Variants in ABCC3 observed in about 807,000 individuals in gnomAD.
ABCC3 encodes ATP-binding cassette sub-family C member 3.
Under a neutral mutation model 165.3 loss-of-function variants are expected in ABCC3, and 121 were observed. The ratio of observed to expected loss-of-function variants is 0.73; its 90% CI spans 0.63 to 0.85. The LOEUF (loss-of-function observed/expected upper bound fraction) is 0.85. Ranked by LOEUF, ABCC3 falls within the 40% of genes least tolerant of loss-of-function variation. ABCC3 has a pLI of 0.00. For synonymous variants in ABCC3, 733 were observed against 810.1 expected, an observed-to-expected ratio of 0.90 and a Z score of 1.62; for missense variants, 1,869 against 1,964.1, an observed-to-expected ratio of 0.95 and a Z score of 0.92.
chr17:50,676,370 C>T lies in ABCC3; in HGVS notation c.3160C>T (p.Arg1054Cys), dbSNP rs141068276. ...LHQALLHNKI[R>C]SPQSFFDTTP... ...CCAGGCACTGCTGCACAACAAGATA[C>T]GCTCGCCACAGTCCTTCTTTGACAC... is the stretch of plus-strand genomic sequence containing the variant. Residue 1054 changes from arginine to cysteine, a missense_variant, in exon 23 of 31, where the codon CGC becomes TGC. Arg to Cys is a radical substitution (Grantham distance 180). Transcript: ENST00000285238. 57 of 1,614,210 alleles carry T rather than the reference C, an allele frequency of 3.5e-5. No individual in the cohort carries two copies. In the Middle Eastern group the frequency reaches 4.9e-4, roughly 14 times the overall value.
In ABCC3 at chr17:50,645,564, C is replaced by A. The variant is rs75407063; in HGVS notation, c.46-10268C>A. On this transcript the variant is annotated intron_variant, in intron 1 of 30. Coordinates refer to ENST00000285238, the MANE Select transcript of ABCC3 (RefSeq NM_003786.4). The stretch of plus-strand genomic sequence containing the variant: ...TTTAAAGGGATGGTATACTATTATT[C>A]TTTCATTCATTTATTCAATAAACGT... Among the ~76,000 whole-genome samples the A allele has an allele frequency of 5.3e-5, 8 of 151,790 alleles. No homozygotes were observed. The South Asian group carries it at 1.0e-3, about 20-fold the overall frequency.
In ABCC3 at chr17:50,660,956, C is replaced by T; in HGVS notation, c.840C>T (p.Ala280=). The change falls in exon 8 of 31, where the codon GCC becomes GCT. Residue 280 remains alanine (A), a synonymous_variant. Coordinates refer to ENST00000285238, the MANE Select transcript of ABCC3 (RefSeq NM_003786.4). ...HKASAAPGKN[A]SGEDEVLLGA... ...CTTCAGCAGCACCTGGGAAAAATGC[C>T]TCCGGCGAGGACGAGGTGCTGCTGG... 1 of 1,611,736 alleles carries T rather than the reference C, an allele frequency of 6.2e-7. No individual in the cohort carries two copies. The highest frequency in any genetic ancestry group is 8.5e-7 in the Non-Finnish European group (1 of 1,178,942).
Position 50,687,660 on chromosome 17 carries a change from C to A in ABCC3, c.4405C>A (p.Arg1469Ser), listed in dbSNP as rs757031551. 6.2e-7 allele frequency: 1 copy of A among 1,614,246 alleles called. No homozygotes were observed. The highest frequency in any genetic ancestry group is 2.2e-5 in the East Asian group (1 of 44,894). The change falls in exon 30 of 31, where the codon CGC (arginine) becomes AGC (serine). Residue 1469 changes from arginine (R) to serine (S), a missense_variant. Transcript: ENST00000285238. ...ETDNLIQATI[R>S]TQFDTCTVLT... ...TGACAACCTCATCCAGGCTACCATC[C>A]GCACCCAGTTTGATACCTGCACTGT...
intron 7 of ABCC3, among the ~76,000 whole-genome samples, chr17:50,660,583 C>A (rs1226146302): frequency 6.6e-6 from 1 of 152,178 alleles, no homozygotes; most frequent in African/African-American, 2.4e-5. Context: ...GTTCAGCTGC[C>A]CGGTGGCTGT....
chr17:50,657,510 G>A (rs1967278265), intron 4 of ABCC3, among the ~76,000 whole-genome samples: 1 of 152,214 alleles, frequency 6.6e-6, no homozygotes, highest in African/African-American at 2.4e-5. Context: ...GCAGACAAGT[G>A]TGAAGAGTTC....
At chr17:50,650,948 C>A (rs1967102499) in intron 1 of ABCC3, among the ~76,000 whole-genome samples, 1 of 151,074 alleles carries the variant, frequency 6.6e-6, no homozygotes, top group East Asian at 1.9e-4. Flanking sequence ...ACCTGTAATC[C>A]CAGCTACTGG....
intron 30 of ABCC3, chr17:50,688,383 T>C (rs1040031886): frequency 1.6e-4 from 24 of 152,396 alleles, no homozygotes; most frequent in African/African-American, 5.5e-4. Flanking sequence ...AGTGCCTGCA[T>C]GTCCCTCACC....
chr17:50,666,326 C>T (rs1967527185), intron 11 of ABCC3, among the ~76,000 whole-genome samples: 1 of 152,144 alleles, frequency 6.6e-6, no homozygotes, highest in African/African-American at 2.4e-5. Context: ...ACAAAATTAG[C>T]CGGGCATGGT....
At chr17:50,639,185 T>G (rs1286318119) in intron 1 of ABCC3, among the ~76,000 whole-genome samples, 1 of 152,230 alleles carries the variant, frequency 6.6e-6, no homozygotes, top group African/African-American at 2.4e-5. Context: ...CAGTCCTCCC[T>G]GCAAGGCCAG....
intron 8 of ABCC3, among the ~76,000 whole-genome samples, chr17:50,662,654 A>AG: frequency 2.7e-5 from 4 of 150,426 alleles, no homozygotes; most frequent in African/African-American, 7.3e-5. Flanking sequence ...AAAAAAAAAA[A>AG]AAAAGAGAGA....
At chr17:50,690,189 T>A (rs933519267) in intron 30 of ABCC3, among the ~76,000 whole-genome samples, 6 of 151,862 alleles carry the variant, frequency 4.0e-5, no homozygotes, top group Non-Finnish European at 7.4e-5. Context: ...CTGGAGTGCG[T>A]GGGAGGGAGG....
At chr17:50,645,200 TAAAA>T (rs564267933) in intron 1 of ABCC3, among the ~76,000 whole-genome samples, 10 of 118,342 alleles carry the variant, frequency 8.5e-5, no homozygotes, top group Non-Finnish European at 1.4e-4. Context: ...GACTTGGCCT[TAAAA>T]AAAAAAAAAA....
chr17:50,639,271 C>G (rs145017438), intron 1 of ABCC3, among the ~76,000 whole-genome samples: 2 of 152,270 alleles, frequency 1.3e-5, no homozygotes, highest in Admixed American at 6.5e-5. Context: ...CCTCTGAGCT[C>G]TTGGCTTCTG....
At chr17:50,660,861 C>A in intron 7 of ABCC3, 62 bp from the exon 8 acceptor site, 1 of 1,483,432 alleles carries the variant, frequency 6.7e-7, no homozygotes. Flanking sequence ...CCAGCCTAGC[C>A]CTTGGCTTCC....
intron 1 of ABCC3, among the ~76,000 whole-genome samples, chr17:50,651,066 G>GGAAAAA (rs377148373): frequency 1.2e-5 from 1 of 84,284 alleles, no homozygotes; most frequent in African/African-American, 5.0e-5. Flanking sequence ...CTCCATCTCA[G>GGAAAAA]AAAAAAAAAA....
chr17:50,673,134 G>A lies in ABCC3; in HGVS notation c.2405G>A (p.Gly802Asp). Residue 802 changes from glycine to aspartate, a missense_variant, in exon 18 of 31, where the codon GGC becomes GAC. Gly to Asp is a moderately conservative substitution (Grantham distance 94). Coordinates refer to ENST00000285238, the MANE Select transcript of ABCC3 (RefSeq NM_003786.4). ...ATCGGGCCAGAAGGCGTGCTGGCAG[G>A]CAAGGTGAGGCCTGCCAGAGGCTAA... Reference protein sequence around the residue: ...HVIGPEGVLAGKTRVLVTHGI... With the variant: ...HVIGPEGVLADKTRVLVTHGI... 6.2e-7 allele frequency: 1 copy of A among 1,613,778 alleles called. No homozygotes were observed. The highest frequency in any genetic ancestry group is 8.5e-7 in the Non-Finnish European group (1 of 1,180,032).
At chr17:50,643,509 A>G (rs1417225396) in intron 1 of ABCC3, 1 of 456,108 alleles carries the variant, frequency 2.2e-6, no homozygotes, top group Non-Finnish European at 4.4e-6. Flanking sequence ...TGCTTCACAG[A>G]GCAGGGATAG....
chr17:50,658,951 G>C (rs1967317724), intron 6 of ABCC3, among the ~76,000 whole-genome samples: 1 of 152,188 alleles, frequency 6.6e-6, no homozygotes. Flanking sequence ...CCTCACCCAG[G>C]GCCCCAGGCA....
chr17:50,669,538 C>T lies in ABCC3; in HGVS notation c.2241+10C>T. ...AGAGATTGGAGAGAAGGTACAGAGT[C>T]CTCTTCCATCCCTAAGAGGCTAGGG... On this transcript the variant is annotated intron_variant, in intron 17 of 30. Transcript: ENST00000285238. 1.2e-6 allele frequency: 2 copies of T among 1,613,066 alleles called. No individual in the cohort carries two copies.
Sources: gnomAD v4.1 joint callset for allele counts (sites outside exome capture counted in the v4.1 genomes callset) on GRCh38, gnomAD v4.1.1 for gene constraint, MANE v1.5 for transcripts, NCBI Gene and HGNC (gene_info 2026-07-23, HGNC 2026-07-21) for gene names.